The following EXOC4 variants were observed in gnomAD, a reference collection of about 807,000 sequenced individuals.
The protein encoded by EXOC4 is exocyst complex component 4, also known as SEC8-like 1.
In EXOC4, 71 loss-of-function variants were observed where a neutral mutation model predicts 107.2. That is an observed-to-expected ratio of 0.66 (90% CI 0.55 to 0.81). EXOC4 has a LOEUF of 0.81. EXOC4 is among the 30% of genes least tolerant of loss of function. The probability of loss-of-function intolerance (pLI) is 0.00; values close to 1 mark genes in which losing one functional copy is unlikely to be tolerated. For synonymous variants in EXOC4, 456 were observed against 441.2 expected (o/e 1.03, Z -0.42); for missense variants, 1,108 against 1,189.6 (o/e 0.93, Z 1.01).
At chr7:134,092,224 C>G in the EXOC4 span, among the ~76,000 whole-genome samples, 1 of 151,932 alleles carries the variant, frequency 6.6e-6, no homozygotes, top group Non-Finnish European at 1.5e-5. Flanking sequence ...ATACTAAAAT[C>G]CATTGAATTA....
At chr7:133,951,088 C>T (rs578102313) in intron 14 of EXOC4, among the ~76,000 whole-genome samples, 16 of 152,306 alleles carry the variant, frequency 1.1e-4, no homozygotes, top group East Asian at 1.9e-4. Flanking sequence ...GCGCCACCAG[C>T]GGCCAGAAAC....
intron 10 of EXOC4, among the ~76,000 whole-genome samples, chr7:133,692,710 T>G (rs555878406): frequency 2.2e-4 from 34 of 152,338 alleles, no homozygotes; most frequent in African/African-American, 8.2e-4. Context: ...ACTCAGTCTG[T>G]GTCCAGTAGC....
chr7:133,997,768 AT>A, intron 15 of EXOC4, 135 bp downstream of exon 15: 1 of 1,026,980 alleles, frequency 9.7e-7, no homozygotes, highest in Non-Finnish European at 1.4e-6. Context: ...ACTGAAAGTG[AT>A]TTTTAGCTGT....
At chr7:133,449,629 G>A (rs1798295126) in intron 7 of EXOC4, among the ~76,000 whole-genome samples, 1 of 151,752 alleles carries the variant, frequency 6.6e-6, no homozygotes, top group African/African-American at 2.4e-5. Flanking sequence ...TCTGTATCTA[G>A]ATAAGTGTTA....
chr7:133,621,467 G>C (rs1056215976), intron 9 of EXOC4, among the ~76,000 whole-genome samples: 1 of 152,146 alleles, frequency 6.6e-6, no homozygotes, highest in Non-Finnish European at 1.5e-5. Flanking sequence ...GCAAAACTCC[G>C]ATTAGTTATT....
chr7:134,092,302 A>C, the EXOC4 span, among the ~76,000 whole-genome samples: 1 of 152,146 alleles, frequency 6.6e-6, no homozygotes, highest in Non-Finnish European at 1.5e-5. Context: ...TTAAAGAAAA[A>C]AAGTCCAATT....
intron 4 of EXOC4, among the ~76,000 whole-genome samples, chr7:133,313,208 A>G (rs1403581849): frequency 3.6e-5 from 5 of 139,632 alleles, no homozygotes; most frequent in Non-Finnish European, 7.6e-5. Context: ...TTCTGTTACC[A>G]TGTCTTCACC....
chr7:134,014,596 C>T (rs927639921), intron 17 of EXOC4, among the ~76,000 whole-genome samples: 7 of 151,824 alleles, frequency 4.6e-5, no homozygotes, highest in African/African-American at 1.7e-4. Flanking sequence ...CCAAAATAGT[C>T]AAATTTATAG....
intron 1 of EXOC4, among the ~76,000 whole-genome samples, chr7:133,267,941 C>G (rs989566721): frequency 1.3e-5 from 2 of 152,132 alleles, no homozygotes; most frequent in African/African-American, 4.8e-5. Context: ...GGTCTGATCT[C>G]AGTTCAGAAA....
At chr7:133,607,775 G>T (rs1801982784) in intron 9 of EXOC4, among the ~76,000 whole-genome samples, 1 of 152,170 alleles carries the variant, frequency 6.6e-6, no homozygotes, top group South Asian at 2.1e-4. Context: ...TTATAATGGA[G>T]AAATTTGCAT....
chr7:133,407,394 G>A (rs535804754), intron 7 of EXOC4, among the ~76,000 whole-genome samples: 1 of 152,090 alleles, frequency 6.6e-6, no homozygotes, highest in South Asian at 2.1e-4. Flanking sequence ...CATTGTTGTG[G>A]TCTCGAATAA....
chr7:133,453,119 C>CT (rs1798384739), intron 7 of EXOC4, among the ~76,000 whole-genome samples: 1 of 152,150 alleles, frequency 6.6e-6, no homozygotes, highest in African/African-American at 2.4e-5. Context: ...AATCTGTAGA[C>CT]TGTGAGAATA....
intron 17 of EXOC4, among the ~76,000 whole-genome samples, chr7:134,064,026 T>C (rs1339886819): frequency 1.3e-5 from 2 of 152,046 alleles, no homozygotes; most frequent in African/African-American, 4.8e-5. Context: ...AGCAAAAAAA[T>C]GTAGAATGAG....
At chr7:133,696,508 A>G (rs953487331) in intron 10 of EXOC4, among the ~76,000 whole-genome samples, 1 of 152,174 alleles carries the variant, frequency 6.6e-6, no homozygotes, top group Non-Finnish European at 1.5e-5. Flanking sequence ...CTGGTCCCCA[A>G]TCTGCATATT....
chr7:134,002,321 A>G (rs1311656956), intron 15 of EXOC4, among the ~76,000 whole-genome samples: 1 of 152,202 alleles, frequency 6.6e-6, no homozygotes, highest in Non-Finnish European at 1.5e-5. Context: ...TATAAAACTT[A>G]GCTTAAAATG....
chr7:133,810,937 C>G (rs1797213148), intron 10 of EXOC4, among the ~76,000 whole-genome samples: 1 of 152,202 alleles, frequency 6.6e-6, no homozygotes, highest in South Asian at 2.1e-4. Context: ...CCGGCCAGAT[C>G]CATGCTTTAA....
intron 9 of EXOC4, among the ~76,000 whole-genome samples, chr7:133,605,385 A>G (rs537969175): frequency 6.6e-6 from 1 of 152,270 alleles, no homozygotes; most frequent in African/African-American, 2.4e-5. Context: ...GGAAACCGCT[A>G]TTCATTAATA....
chr7:133,484,055 A>G, intron 9 of EXOC4: 1 of 1,614,080 alleles, frequency 6.2e-7, no homozygotes, highest in Non-Finnish European at 8.5e-7. Flanking sequence ...CGGCGAAGAA[A>G]TCCACCAGAA....
At chr7:133,837,811 T>C (rs947141770) in intron 11 of EXOC4, among the ~76,000 whole-genome samples, 1 of 152,200 alleles carries the variant, frequency 6.6e-6, no homozygotes, top group African/African-American at 2.4e-5. Context: ...GGTTTTCTCT[T>C]TGGAGGTGTC....
Sources: gnomAD v4.1 joint callset for allele counts (sites outside exome capture counted in the v4.1 genomes callset) on GRCh38, gnomAD v4.1.1 for gene constraint, MANE v1.5 for transcripts, NCBI Gene and HGNC (gene_info 2026-07-23, HGNC 2026-07-21) for gene names.